GPM6A: variants seen among roughly 807,000 people sequenced by gnomAD.
GPM6A encodes neuronal membrane glycoprotein M6-a.
Under a neutral mutation model 32.1 loss-of-function variants are expected in GPM6A, and 7 were observed. The ratio of observed to expected loss-of-function variants is 0.22; its 90% CI spans 0.12 to 0.41. GPM6A has a LOEUF of 0.41. Ranked by LOEUF, GPM6A falls within the 10% of genes least tolerant of loss-of-function variation. The probability of loss-of-function intolerance (pLI) is 1.00; values close to 1 mark genes in which losing one functional copy is unlikely to be tolerated. For synonymous variants in GPM6A, 130 were observed against 123.4 expected, an observed-to-expected ratio of 1.05 and a Z score of -0.35; for missense variants, 235 against 347.2, an observed-to-expected ratio of 0.68 and a Z score of 2.57.
chr4:175,703,219 T>C (rs1170764561), intron 1 of GPM6A, among the ~76,000 whole-genome samples: 2 of 150,538 alleles, frequency 1.3e-5, no homozygotes, highest in Non-Finnish European at 3.0e-5. Context: ...TCACCCAGGC[T>C]GGACTACAGT....
chr4:175,653,125 T>C (rs555845428), intron 3 of GPM6A, among the ~76,000 whole-genome samples: 1 of 152,236 alleles, frequency 6.6e-6, no homozygotes, highest in East Asian at 1.9e-4. Context: ...ATAACCCTCA[T>C]AATATATACT....
At chr4:175,809,691 A>C (rs1220947164) in intron 1 of GPM6A, among the ~76,000 whole-genome samples, 3 of 152,186 alleles carry the variant, frequency 2.0e-5, no homozygotes, top group Non-Finnish European at 4.4e-5. Flanking sequence ...ATTAGGATAA[A>C]AGTTAGGACT....
intron 1 of GPM6A, among the ~76,000 whole-genome samples, chr4:175,917,677 A>G (rs944414933): frequency 6.6e-6 from 1 of 152,200 alleles, no homozygotes; most frequent in African/African-American, 2.4e-5. Context: ...AAAATAATCC[A>G]GGATGGACAT....
intron 1 of GPM6A, among the ~76,000 whole-genome samples, chr4:175,954,084 T>TA (rs1739906080): frequency 6.6e-6 from 1 of 152,214 alleles, no homozygotes; most frequent in South Asian, 2.1e-4. Flanking sequence ...GCCCGCTCTA[T>TA]ACCTTGACTT....
intron 1 of GPM6A, chr4:175,962,590 A>T (rs1740202143): frequency 3.4e-6 from 1 of 296,446 alleles, no homozygotes; most frequent in African/African-American, 2.2e-5. Context: ...TTTGGTTTCT[A>T]GGGAAACATG....
chr4:175,673,647 A>G (rs771113135), intron 3 of GPM6A, 33 bp downstream of exon 3: 6 of 1,504,426 alleles, frequency 4.0e-6, no homozygotes, highest in Non-Finnish European at 4.5e-6. Flanking sequence ...AAATCAATCC[A>G]CATTAAATAC....
Position 175,701,712 on chromosome 4 carries a change from A to G in GPM6A, c.93T>C (p.Ile31=), listed in dbSNP as rs761902239. The change falls in exon 2 of 7, where the codon ATT becomes ATC. Residue 31 remains isoleucine (I), a synonymous_variant. Coordinates refer to ENST00000393658, the MANE Select transcript of GPM6A (RefSeq NM_201591.3). The part of the protein sequence containing the change: ...CLGGIPYASL[I]ATILLYAGVA... ...CACCCGCATAGAGCAGGATGGTGGC[A>G]ATCAGAGAGGCATAGGGAATGCCCC... The G allele has an allele frequency of 1.9e-6, 3 of 1,613,824 alleles. No individual in the cohort carries two copies. Among genetic ancestry groups the G allele is most frequent in the South Asian group, 2.2e-5 (2 of 91,086 alleles).
At chr4:175,693,301 A>AT (rs1560879026) in intron 2 of GPM6A, among the ~76,000 whole-genome samples, 16 of 148,748 alleles carry the variant, frequency 1.1e-4, no homozygotes, top group African/African-American at 3.9e-4. Context: ...TATATATATA[A>AT]AATATACATA....
intron 1 of GPM6A, among the ~76,000 whole-genome samples, chr4:175,992,331 T>C (rs555987934): frequency 6.6e-6 from 1 of 152,124 alleles, no homozygotes; most frequent in Non-Finnish European, 1.5e-5. Context: ...GGGAAAAAAA[T>C]ATCTAAAGAC....
At chr4:175,791,187 A>G (rs538198781) in intron 1 of GPM6A, among the ~76,000 whole-genome samples, 2 of 152,204 alleles carry the variant, frequency 1.3e-5, no homozygotes, top group Non-Finnish European at 2.9e-5. Flanking sequence ...TAAATAAATC[A>G]GATGGCAGAT....
chr4:175,811,943 C>A, intron 1 of GPM6A: 2 of 368,298 alleles, frequency 5.4e-6, no homozygotes, highest in Non-Finnish European at 9.7e-6. Flanking sequence ...TAGTTCACTA[C>A]AATACCGCAA....
At chr4:175,748,398 T>C (rs906615588) in intron 1 of GPM6A, among the ~76,000 whole-genome samples, 62 of 152,138 alleles carry the variant, frequency 4.1e-4, no homozygotes, top group African/African-American at 1.4e-3. Flanking sequence ...GATCCACGGG[T>C]TTCAAAGCAG....
At chr4:175,843,016 C>T (rs1288299515) in intron 1 of GPM6A, among the ~76,000 whole-genome samples, 1 of 150,760 alleles carries the variant, frequency 6.6e-6, no homozygotes, top group Non-Finnish European at 1.5e-5. Flanking sequence ...TCTGTATAAA[C>T]ACATTACATA....
At chr4:175,696,782 G>A (rs1744604166) in intron 2 of GPM6A, among the ~76,000 whole-genome samples, 1 of 152,098 alleles carries the variant, frequency 6.6e-6, no homozygotes, top group Non-Finnish European at 1.5e-5. Context: ...TTAATTCACA[G>A]TTTTCCCTTC....
chr4:175,875,709 T>C (rs886852008), intron 1 of GPM6A, among the ~76,000 whole-genome samples: 1 of 152,228 alleles, frequency 6.6e-6, no homozygotes, highest in Non-Finnish European at 1.5e-5. Flanking sequence ...TAAATTTTCA[T>C]GTTGCTTATA....
At chr4:175,879,026 CA>C (rs376511398) in intron 1 of GPM6A, among the ~76,000 whole-genome samples, 289 of 152,266 alleles carry the variant, frequency 1.9e-3, no homozygotes, top group African/African-American at 6.6e-3. Context: ...ATCTATAGGA[CA>C]GGGGCAAAAT....
intron 1 of GPM6A, among the ~76,000 whole-genome samples, chr4:175,851,014 A>G (rs147298648): frequency 0.014 from 2,096 of 152,196 alleles, 31 homozygotes; most frequent in Admixed American, 0.046. Flanking sequence ...AGGATACAGC[A>G]TATCACTGCA....
chr4:175,745,997 C>A (rs1418087854), intron 1 of GPM6A, among the ~76,000 whole-genome samples: 1 of 152,038 alleles, frequency 6.6e-6, no homozygotes, highest in African/African-American at 2.4e-5. Context: ...TTTAATAGCC[C>A]AAACCAGAGA....
intron 1 of GPM6A, among the ~76,000 whole-genome samples, chr4:175,784,145 G>A (rs1733710346): frequency 6.6e-6 from 1 of 152,096 alleles, no homozygotes; most frequent in Admixed American, 6.5e-5. Context: ...ATGAAGTGAT[G>A]AGAGAGGCAC....
Sources: allele counts gnomAD v4.1 joint callset (sites outside exome capture counted in the v4.1 genomes callset), GRCh38; gene constraint gnomAD v4.1.1; transcripts MANE v1.5; gene names NCBI Gene and HGNC (gene_info 2026-07-23, HGNC 2026-07-21).